RCAN2: variants seen among roughly 807,000 people sequenced by gnomAD.
RCAN2 encodes regulator of calcineurin 2.
A neutral mutation model predicts 23.6 loss-of-function variants in RCAN2; 9 were observed. The ratio of observed to expected loss-of-function variants is 0.38; its 90% confidence interval spans 0.23 to 0.67. The LOEUF is 0.67. RCAN2 is among the 30% of genes least tolerant of loss of function. The probability of loss-of-function intolerance (pLI) is 0.51; values close to 1 mark genes in which losing one functional copy is unlikely to be tolerated. For synonymous variants in RCAN2, 109 were observed against 115.7 expected (o/e 0.94, Z 0.37); for missense variants, 273 against 302.3 (o/e 0.90, Z 0.72).
At chr6:46,392,998 A>C (rs932103213) in intron 2 of RCAN2, among the ~76,000 whole-genome samples, 1 of 152,220 alleles carries the variant, frequency 6.6e-6, no homozygotes, top group Non-Finnish European at 1.5e-5. Context: ...TAAGGGATCT[A>C]TAATAAAGGA....
chr6:46,254,595 G>A (rs1766843237), intron 2 of RCAN2, among the ~76,000 whole-genome samples: 1 of 152,162 alleles, frequency 6.6e-6, no homozygotes, highest in Admixed American at 6.5e-5. Flanking sequence ...GGCTAACTAT[G>A]TGGGCAGTCA....
In RCAN2 at chr6:46,342,173, A is replaced by T. The variant is rs551750900; in HGVS notation, c.226-93277T>A. 4.3e-4 allele frequency among the ~76,000 whole-genome samples: 66 copies of T among 152,308 alleles called. 3 individuals are homozygous for T. In the South Asian group the frequency reaches 0.013, roughly 31 times the overall value. On this transcript the variant is annotated intron_variant, in intron 2 of 4. Coordinates refer to ENST00000371374, the MANE Select transcript of RCAN2 (RefSeq NM_001251974.2). ...TGAAAGACTGGCTCTAGGCTCAAGG[A>T]AAAGGGACAAAGACTTTTAGGTTAC...
In RCAN2 at chr6:46,233,120, C is replaced by T. The variant is rs571836855; in HGVS notation, c.572-9819G>A. Among the ~76,000 whole-genome samples the T allele has an allele frequency of 1.6e-4, 25 of 151,690 alleles. No homozygotes were observed. In the South Asian group the frequency reaches 4.6e-3, roughly 28 times the overall value. On this transcript the variant is annotated intron_variant, in intron 4 of 4. Coordinates refer to ENST00000371374, the MANE Select transcript of RCAN2 (RefSeq NM_001251974.2). ...AGGTAAGGAATCCTGGATGGCTTCT[C>T]TGGCGCTCCCAGCCACCAGCTCCCG...
chr6:46,279,208 G>C (rs1265513511), intron 2 of RCAN2, among the ~76,000 whole-genome samples: 1 of 152,202 alleles, frequency 6.6e-6, no homozygotes, highest in Non-Finnish European at 1.5e-5. Flanking sequence ...TTGCCAGCAA[G>C]AAGAGCTGTT....
At chr6:46,272,767 G>A (rs994655143) in intron 2 of RCAN2, among the ~76,000 whole-genome samples, 2 of 152,084 alleles carry the variant, frequency 1.3e-5, no homozygotes, top group Non-Finnish European at 2.9e-5. Flanking sequence ...ATAATTTTCA[G>A]TCTGTATCAC....
intron 4 of RCAN2, among the ~76,000 whole-genome samples, chr6:46,230,893 C>T (rs950945265): frequency 1.3e-5 from 2 of 152,198 alleles, no homozygotes; most frequent in Admixed American, 6.5e-5. Flanking sequence ...ATCTTGGAAC[C>T]TCTCTCCAAG....
intron 2 of RCAN2, among the ~76,000 whole-genome samples, chr6:46,408,160 G>A (rs1311435341): frequency 6.6e-6 from 1 of 152,168 alleles, no homozygotes; most frequent in East Asian, 1.9e-4. Flanking sequence ...ATACCTCAAG[G>A]AGAGAGCCTT....
chr6:46,324,865 C>T (rs373298880), intron 2 of RCAN2, among the ~76,000 whole-genome samples: 42 of 152,248 alleles, frequency 2.8e-4, no homozygotes, highest in African/African-American at 1.0e-3. Context: ...ATTTAGGCAG[C>T]TGTTCTCCAA....
intron 1 of RCAN2, chr6:46,468,854 T>C: frequency 2.0e-6 from 2 of 985,326 alleles, no homozygotes; most frequent in Non-Finnish European, 2.4e-6. Context: ...CAGATTCTCA[T>C]TGTCTCCAGC....
chr6:46,384,023 C>T lies in RCAN2; in HGVS notation c.225+72729G>A, dbSNP rs111739714. On this transcript the variant is annotated intron_variant, in intron 2 of 4. Transcript: ENST00000371374. ...AAAGGAAAAACAGGGTTCATCTCTA[C>T]ATACTCCCCCACCCAGCCAGGAGGG... Among the ~76,000 whole-genome samples the T allele has an allele frequency of 5.1e-3, 781 of 152,314 alleles. 6 individuals carry two copies. Among genetic ancestry groups the T allele is most frequent in the African/African-American group, 0.018 (746 of 41,566 alleles).
At chr6:46,429,647 AG>A (rs1767130612) in intron 2 of RCAN2, among the ~76,000 whole-genome samples, 1 of 152,194 alleles carries the variant, frequency 6.6e-6, no homozygotes, top group African/African-American at 2.4e-5. Context: ...ATTATATGCC[AG>A]GCACTGTGCC....
intron 2 of RCAN2, among the ~76,000 whole-genome samples, chr6:46,282,472 G>A (rs899387757): frequency 3.1e-4 from 30 of 97,612 alleles, no homozygotes; most frequent in African/African-American, 1.2e-3. Flanking sequence ...GCAAGACTCT[G>A]TCTCAAAACA....
chr6:46,446,782 T>C (rs1010895194), intron 2 of RCAN2, among the ~76,000 whole-genome samples: 1 of 152,174 alleles, frequency 6.6e-6, no homozygotes, highest in African/African-American at 2.4e-5. Flanking sequence ...ATTATAACTA[T>C]AAGATATTTT....
At chr6:46,288,693 A>C (rs773786075) in intron 2 of RCAN2, among the ~76,000 whole-genome samples, 2 of 152,268 alleles carry the variant, frequency 1.3e-5, no homozygotes, top group African/African-American at 2.4e-5. Context: ...TTCATCCCCG[A>C]AGTATAACTT....
chr6:46,275,569 T>C (rs1294805366), intron 2 of RCAN2, among the ~76,000 whole-genome samples: 2 of 151,766 alleles, frequency 1.3e-5, no homozygotes, highest in Non-Finnish European at 2.9e-5. Context: ...TCATAAAATC[T>C]TTTTTGTTGG....
intron 1 of RCAN2, among the ~76,000 whole-genome samples, chr6:46,461,562 G>C (rs925470657): frequency 6.6e-6 from 1 of 151,136 alleles, no homozygotes; most frequent in Non-Finnish European, 1.5e-5. Flanking sequence ...GGGGCCTTCT[G>C]GGCTGTGGCT....
chr6:46,297,445 C>A (rs1762758899), intron 2 of RCAN2, among the ~76,000 whole-genome samples: 1 of 152,062 alleles, frequency 6.6e-6, no homozygotes, highest in African/African-American at 2.4e-5. Flanking sequence ...TGCTAACCCA[C>A]CTGAATCCTG....
At chr6:46,332,944 A>G (rs1049528144) in intron 2 of RCAN2, among the ~76,000 whole-genome samples, 3 of 152,176 alleles carry the variant, frequency 2.0e-5, no homozygotes, top group Non-Finnish European at 4.4e-5. Context: ...AAGTGTTCCT[A>G]TTTCTCCACA....
chr6:46,474,258 A>G (rs1768649219), intron 1 of RCAN2, among the ~76,000 whole-genome samples: 1 of 152,098 alleles, frequency 6.6e-6, no homozygotes, highest in Non-Finnish European at 1.5e-5. Flanking sequence ...GGCTAAGGAA[A>G]ATTATTGAGC....
Sources: gnomAD v4.1 joint callset for allele counts (sites outside exome capture counted in the v4.1 genomes callset) on GRCh38, gnomAD v4.1.1 for gene constraint, MANE v1.5 for transcripts, NCBI Gene and HGNC (gene_info 2026-07-23, HGNC 2026-07-21) for gene names.